ZBTB41: variants seen among roughly 807,000 people sequenced by gnomAD.
The protein encoded by ZBTB41 is zinc finger and BTB domain-containing protein 41.
In ZBTB41, 42 loss-of-function variants were observed where a neutral mutation model predicts 87.6. That is an observed-to-expected ratio of 0.48 (90% CI 0.37 to 0.62). ZBTB41 has a LOEUF of 0.62. Ranked by LOEUF, ZBTB41 falls within the 20% of genes least tolerant of loss-of-function variation. The probability of loss-of-function intolerance (pLI) is 0.00; values close to 1 mark genes in which losing one functional copy is unlikely to be tolerated. For synonymous variants in ZBTB41, 364 were observed against 364.0 expected (o/e 1.00, Z 0.00); for missense variants, 799 against 1,078.9 (o/e 0.74, Z 3.63).
chr1:197,178,210 G>A (rs1659658803), intron 7 of ZBTB41, among the ~76,000 whole-genome samples: 1 of 151,382 alleles, frequency 6.6e-6, no homozygotes, highest in Non-Finnish European at 1.5e-5. Flanking sequence ...CTTGGTGTGA[G>A]AAAATATTTA....
In ZBTB41 at chr1:197,200,116, T is replaced by A; in HGVS notation, c.358A>T (p.Asn120Tyr). The A allele has an allele frequency of 6.2e-7, 1 of 1,613,860 alleles. No homozygotes were observed. The highest frequency in any genetic ancestry group is 1.1e-5 in the South Asian group (1 of 91,004). The change falls in exon 2 of 11, where the codon AAT becomes TAT. Residue 120 changes from asparagine to tyrosine, a missense_variant. Physicochemically the swap from Asn to Tyr is moderately radical, Grantham distance 143. Around this residue, in one of 5 missense-constraint regions of ZBTB41, gnomAD observed 59 missense variants for 120.1 expected, o/e 0.49. Transcript: ENST00000367405. ...AGGGTGACAACATCAGTGCTTGGATTTTTGCTCAAACACGCATGAAAATAA... is the reference window on the plus strand; with the variant it reads ...AGGGTGACAACATCAGTGCTTGGATATTTGCTCAAACACGCATGAAAATAA... ...SSYFHACLSK[N>Y]PSTDVVTLDH...
intron 10 of ZBTB41, among the ~76,000 whole-genome samples, chr1:197,160,697 G>A (rs1400725514): frequency 1.3e-5 from 2 of 152,070 alleles, no homozygotes; most frequent in Non-Finnish European, 2.9e-5. Flanking sequence ...AATGTGGTAG[G>A]CAGAATGATG....
At chr1:197,173,725 C>T (rs1367009738) in intron 9 of ZBTB41, among the ~76,000 whole-genome samples, 1 of 152,078 alleles carries the variant, frequency 6.6e-6, no homozygotes, top group African/African-American at 2.4e-5. Flanking sequence ...AACCAGTATG[C>T]TTGGTTTACC....
chr1:197,199,404 T>C lies in ZBTB41; in HGVS notation c.1070A>G (p.Asn357Ser), dbSNP rs560274790. Residue 357 changes from asparagine (N) to serine (S), a missense_variant, in exon 2 of 11, where the codon AAC (asparagine) becomes AGC (serine). Asn to Ser is a conservative substitution (Grantham distance 46, BLOSUM62 1). This residue lies in a region of ZBTB41 where 294 missense variants were observed against 340.1 expected (regional missense o/e 0.86). Coordinates refer to ENST00000367405, the MANE Select transcript of ZBTB41 (RefSeq NM_194314.3). ...TTTAGGACACTGCAATATTTTTTTGTTGCTGTTCTGAATGACCACTGGAGT... is the reference window on the plus strand; with the variant it reads ...TTTAGGACACTGCAATATTTTTTTGCTGCTGTTCTGAATGACCACTGGAGT... The part of the protein sequence containing the change: ...GLTPVVIQNS[N>S]KKILQCPKCD... The C allele has an allele frequency of 7.5e-6, 12 of 1,591,028 alleles. No homozygotes were observed. Among genetic ancestry groups the C allele is most frequent in the South Asian group, 3.5e-5 (3 of 86,248 alleles).
At chr1:197,161,648 G>T (rs1286480765) in intron 10 of ZBTB41, among the ~76,000 whole-genome samples, 2 of 151,908 alleles carry the variant, frequency 1.3e-5, no homozygotes, top group African/African-American at 4.8e-5. Flanking sequence ...TTCAGAAAAA[G>T]TATTTTTAAC....
At chr1:197,190,326 C>T (rs116583765) in intron 4 of ZBTB41, among the ~76,000 whole-genome samples, 87 of 152,248 alleles carry the variant, frequency 5.7e-4, no homozygotes, top group African/African-American at 2.0e-3. Context: ...AAGAATTAAC[C>T]TAGCAAATCC....
chr1:197,193,744 G>A (rs1330595745), intron 2 of ZBTB41, among the ~76,000 whole-genome samples: 1 of 152,036 alleles, frequency 6.6e-6, no homozygotes, highest in Non-Finnish European at 1.5e-5. Context: ...CCAAATACTG[G>A]GAAAAGACAG....
rs147732098 is a variant in ZBTB41 at position 197,191,042 on chromosome 1, T to C, written c.1329-211A>G. ...TCTTTATAGATAAACTGAAAGGTAA[T>C]ATACCTGATTTTTTTTAGTCCAGAT... is the stretch of plus-strand genomic sequence containing the variant. On this transcript the variant is annotated intron_variant, in intron 3 of 10. Coordinates refer to ENST00000367405, the MANE Select transcript of ZBTB41 (RefSeq NM_194314.3). Among the ~76,000 whole-genome samples, 6 of 151,562 alleles carry C rather than the reference T, an allele frequency of 4.0e-5. No homozygotes were observed. The East Asian group carries it at 1.3e-3, about 32-fold the overall frequency.
At chr1:197,200,696 T>C (rs1652740727) in intron 1 of ZBTB41, among the ~76,000 whole-genome samples, 106 bp from the exon 2 acceptor site, 1 of 152,222 alleles carries the variant, frequency 6.6e-6, no homozygotes. Context: ...TGAATGATGA[T>C]AAAATCACAG....
chr1:197,189,928 G>GT (rs1372773542), intron 4 of ZBTB41, among the ~76,000 whole-genome samples: 4 of 151,714 alleles, frequency 2.6e-5, no homozygotes, highest in Non-Finnish European at 5.9e-5. Flanking sequence ...GGGCCACTTT[G>GT]TTTTTTTTGA....
rs1659117097 is a variant in ZBTB41, at chr1:197,158,236, G to A, written c.*1123C>T. 1 of 152,262 alleles carries A rather than the reference G, an allele frequency of 6.6e-6. No individual in the cohort carries two copies. Among genetic ancestry groups the A allele is most frequent in the Admixed American group, 6.6e-5 (1 of 15,242 alleles). The allele number at this position is 152,262 out of a possible 1,614,324, so 9.4% of individuals were successfully genotyped here. Reference sequence around the variant, plus strand: ...TCTCATACAGAAATAAAAATTAAAGGTTAATTACAGACATTAGGCTTTTGT... The same window carrying A: ...TCTCATACAGAAATAAAAATTAAAGATTAATTACAGACATTAGGCTTTTGT... On this transcript the variant is annotated 3_prime_UTR_variant, in exon 11 of 11. Coordinates refer to ENST00000367405, the MANE Select transcript of ZBTB41 (RefSeq NM_194314.3).
intron 2 of ZBTB41, among the ~76,000 whole-genome samples, chr1:197,194,028 C>CT (rs917396613): frequency 1.3e-4 from 20 of 148,690 alleles, no homozygotes; most frequent in South Asian, 2.1e-4. Flanking sequence ...ATCTTTCTTT[C>CT]TTTTTTTTTT....
intron 10 of ZBTB41, among the ~76,000 whole-genome samples, chr1:197,164,595 A>T (rs1659271382): frequency 6.7e-6 from 1 of 149,396 alleles, no homozygotes; most frequent in Admixed American, 6.7e-5. Flanking sequence ...GGTAATCTTT[A>T]TCCCATAATA....
intron 10 of ZBTB41, among the ~76,000 whole-genome samples, chr1:197,164,641 C>A (rs1195432605): frequency 6.9e-6 from 1 of 144,754 alleles, no homozygotes. Context: ...AAAGACCATT[C>A]AACAGAAAGA....
rs1659160783 is a variant in ZBTB41, at chr1:197,159,992, T to C, written c.2097A>G (p.Gln699=). 6.2e-7 allele frequency: 1 copy of C among 1,612,688 alleles called. No individual in the cohort carries two copies. Among genetic ancestry groups the C allele is most frequent in the Admixed American group, 1.7e-5 (1 of 59,828 alleles). ...TAATTCTAAAAGACTGATTGCAAATTTGACACTTGTATGGTTTTTCACCTA... is the reference window on the plus strand; with the variant it reads ...TAATTCTAAAAGACTGATTGCAAATCTGACACTTGTATGGTTTTTCACCTA... ...THSGEKPYKC[Q]ICNQSFRIKK... The change falls in exon 11 of 11, where the codon CAA becomes CAG. Residue 699 remains glutamine (Q), a synonymous_variant. Coordinates refer to ENST00000367405, the MANE Select transcript of ZBTB41 (RefSeq NM_194314.3).
Position 197,191,672 on chromosome 1 carries a change from G to A in ZBTB41, c.1328+20C>T. The A allele has an allele frequency of 6.3e-7, 1 of 1,590,164 alleles. No individual in the cohort carries two copies. Among genetic ancestry groups the A allele is most frequent in the Non-Finnish European group, 8.6e-7 (1 of 1,165,908 alleles). On this transcript the variant is annotated intron_variant, in intron 3 of 10. Coordinates refer to ENST00000367405, the MANE Select transcript of ZBTB41 (RefSeq NM_194314.3). Reference sequence around the variant, plus strand: ...TAAAAGGCACAATAAAGTATATTATGGAAGCAAGATAATACTTGCCTCTTA... The same window carrying A: ...TAAAAGGCACAATAAAGTATATTATAGAAGCAAGATAATACTTGCCTCTTA...
At chr1:197,201,185 C>G (rs1297958122) in intron 1 of ZBTB41, among the ~76,000 whole-genome samples, 38 bp downstream of exon 1, 1 of 152,242 alleles carries the variant, frequency 6.6e-6, no homozygotes, top group Non-Finnish European at 1.5e-5. Context: ...ACCCTTCCCA[C>G]CCAGTTTCCC....
intron 3 of ZBTB41, among the ~76,000 whole-genome samples, chr1:197,191,231 G>T (rs563293213): frequency 1.2e-4 from 18 of 151,984 alleles, no homozygotes; most frequent in Non-Finnish European, 2.1e-4. Flanking sequence ...AGGTCAAGGC[G>T]GGCAGATCAC....
At chr1:197,168,203 T>G (rs1659395673) in intron 10 of ZBTB41, among the ~76,000 whole-genome samples, 1 of 152,064 alleles carries the variant, frequency 6.6e-6, no homozygotes, top group South Asian at 2.1e-4. Context: ...ATGCAAAATG[T>G]GTAAGATAGC....
Sources: allele counts gnomAD v4.1 joint callset (sites outside exome capture counted in the v4.1 genomes callset), GRCh38; gene constraint gnomAD v4.1.1; regional missense constraint gnomAD v4.1.1; transcripts MANE v1.5; gene names NCBI Gene and HGNC (gene_info 2026-07-23, HGNC 2026-07-21).